Variants in CCSER1 observed in about 807,000 individuals in gnomAD.
CCSER1 encodes the protein serine-rich coiled-coil domain-containing protein 1.
A neutral mutation model predicts 82.0 loss-of-function variants in CCSER1; 41 were observed. The ratio of observed to expected loss-of-function variants is 0.50; its 90% confidence interval spans 0.39 to 0.65. The LOEUF (loss-of-function observed/expected upper bound fraction) is 0.65, where lower values mean the gene tolerates loss of function less well. Among genes scored for constraint, CCSER1 ranks in the 30% least tolerant of loss-of-function variants. The pLI is 0.00. For missense variants in CCSER1, 1,119 were observed against 1,064.2 expected, an observed-to-expected ratio of 1.05 and a Z score of -0.72; for synonymous variants, 414 against 383.9, an observed-to-expected ratio of 1.08 and a Z score of -0.92.
At chr4:90,628,288 C>T in intron 6 of CCSER1, 56 bp downstream of exon 6, 2 of 1,419,616 alleles carry the variant, frequency 1.4e-6, no homozygotes, top group Non-Finnish European at 2.0e-6. Flanking sequence ...ATGAAGTCTG[C>T]AGACGTGGTT....
intron 8 of CCSER1, among the ~76,000 whole-genome samples, chr4:90,906,848 A>C (rs1016573067): frequency 1.3e-5 from 2 of 152,074 alleles, no homozygotes; most frequent in Non-Finnish European, 2.9e-5. Flanking sequence ...TGTATTAGTC[A>C]GTGCCATTTT....
intron 10 of CCSER1, among the ~76,000 whole-genome samples, chr4:91,106,176 T>C (rs980396020): frequency 2.6e-5 from 4 of 152,246 alleles, no homozygotes; most frequent in African/African-American, 7.2e-5. Flanking sequence ...GTGCTTATCA[T>C]GGGCCAGGTG....
chr4:90,616,726 CACACACACACACAAATA>C (rs749581689), intron 5 of CCSER1, among the ~76,000 whole-genome samples: 9,902 of 113,968 alleles, frequency 0.087, 363 homozygotes, highest in Middle Eastern at 0.13. Context: ...CACACACACA[CACACACACACACAAATA>C]AAATAAAATA....
chr4:91,594,360 TATATATACACATATATATACACAC>T (rs375022260), intron 10 of CCSER1, among the ~76,000 whole-genome samples: 4,702 of 146,224 alleles, frequency 0.032, 116 homozygotes, highest in Non-Finnish European at 0.051. Flanking sequence ...TATATACACA[TATATATACACATATATATACACAC>T]ATATATACAT....
chr4:90,292,387 G>A (rs1372779653), intron 1 of CCSER1, among the ~76,000 whole-genome samples: 1 of 151,866 alleles, frequency 6.6e-6, no homozygotes, highest in African/African-American at 2.4e-5. Context: ...AATCAGAGGG[G>A]CTCACATAAT....
At chr4:91,045,609 T>C (rs1387218460) in intron 9 of CCSER1, among the ~76,000 whole-genome samples, 2 of 152,196 alleles carry the variant, frequency 1.3e-5, no homozygotes, top group Non-Finnish European at 2.9e-5. Context: ...TATGGAAATA[T>C]TTGGTGTATC....
rs558573159 is a variant in CCSER1, at chr4:90,346,299, C to A, written c.1509+33252C>A. Among the ~76,000 whole-genome samples, 4 of 152,026 alleles carry A rather than the reference C, an allele frequency of 2.6e-5. No individual in the cohort carries two copies. The South Asian group carries it at 6.2e-4, about 24-fold the overall frequency. On this transcript the variant is annotated intron_variant, in intron 3 of 10. Coordinates refer to ENST00000509176, the MANE Select transcript of CCSER1 (RefSeq NM_001145065.2). ...AAAATTATACATTTAATACAGATTT[C>A]TTATTATTCAGTTAAGTGGTATATT...
At chr4:90,524,195 T>C (rs897685388) in intron 5 of CCSER1, among the ~76,000 whole-genome samples, 1 of 152,222 alleles carries the variant, frequency 6.6e-6, no homozygotes, top group African/African-American at 2.4e-5. Flanking sequence ...TTTTCTTACT[T>C]TATAAAGATA....
At chr4:90,482,150 T>G (rs1424278049) in intron 5 of CCSER1, among the ~76,000 whole-genome samples, 1 of 152,236 alleles carries the variant, frequency 6.6e-6, no homozygotes, top group African/African-American at 2.4e-5. Flanking sequence ...TTTTCTAGTT[T>G]ATTTGTGTAG....
intron 7 of CCSER1, chr4:90,781,829 A>G (rs1037799020): frequency 2.1e-6 from 2 of 948,224 alleles, no homozygotes; most frequent in Non-Finnish European, 2.5e-6. Flanking sequence ...CAAGTCACTT[A>G]TCTTTTCTAT....
chr4:90,761,682 T>A (rs1750431099), intron 7 of CCSER1, among the ~76,000 whole-genome samples: 1 of 152,156 alleles, frequency 6.6e-6, no homozygotes, highest in South Asian at 2.1e-4. Flanking sequence ...TACCCCAAAT[T>A]GGGATTGAAT....
intron 1 of CCSER1, among the ~76,000 whole-genome samples, chr4:90,279,267 C>T (rs938633938): frequency 6.6e-6 from 1 of 151,686 alleles, no homozygotes; most frequent in South Asian, 2.1e-4. Flanking sequence ...GTCTTGCATT[C>T]TGAAATTCTT....
intron 1 of CCSER1, among the ~76,000 whole-genome samples, chr4:90,302,758 G>C (rs2153474851): frequency 6.6e-6 from 1 of 152,132 alleles, no homozygotes; most frequent in East Asian, 1.9e-4. Flanking sequence ...AACTATGTTT[G>C]CTACACTGCA....
intron 7 of CCSER1, among the ~76,000 whole-genome samples, chr4:90,785,245 C>T (rs1754329996): frequency 6.6e-6 from 1 of 152,030 alleles, no homozygotes; most frequent in African/African-American, 2.4e-5. Context: ...ACCATGTTGT[C>T]CAGGCTGGTC....
chr4:91,099,765 A>G (rs960234890), intron 10 of CCSER1, among the ~76,000 whole-genome samples: 1 of 152,200 alleles, frequency 6.6e-6, no homozygotes, highest in Non-Finnish European at 1.5e-5. Flanking sequence ...ACAGAAAGGA[A>G]GTGTTCAGGT....
intron 5 of CCSER1, among the ~76,000 whole-genome samples, chr4:90,563,793 T>C (rs1304244771): frequency 2.6e-5 from 4 of 152,244 alleles, no homozygotes; most frequent in African/African-American, 4.8e-5. Context: ...TTCTTTGGAA[T>C]TATACCCAGT....
chr4:91,555,347 T>C (rs1578778006), intron 10 of CCSER1, among the ~76,000 whole-genome samples: 2 of 151,264 alleles, frequency 1.3e-5, no homozygotes, highest in Admixed American at 6.6e-5. Context: ...TAAGTTACTG[T>C]ATAGTTTATT....
intron 9 of CCSER1, among the ~76,000 whole-genome samples, chr4:90,977,436 TATTATA>T (rs1437707492): frequency 6.6e-6 from 1 of 151,618 alleles, no homozygotes; most frequent in Non-Finnish European, 1.5e-5. Flanking sequence ...TAAATGCATA[TATTATA>T]ATTATATGTG....
intron 6 of CCSER1, among the ~76,000 whole-genome samples, chr4:90,665,319 A>AT (rs1233917347): frequency 2.4e-4 from 32 of 135,010 alleles, no homozygotes; most frequent in African/African-American, 8.3e-4. Context: ...ATATGCTGAG[A>AT]TTTTTTTTTC....
Sources: allele counts gnomAD v4.1 joint callset (sites outside exome capture counted in the v4.1 genomes callset), GRCh38; gene constraint gnomAD v4.1.1; transcripts MANE v1.5; gene names NCBI Gene and HGNC (gene_info 2026-07-23, HGNC 2026-07-21).